The following TRPM3 variants were observed in gnomAD, a reference collection of about 807,000 sequenced individuals.
TRPM3 encodes the protein transient receptor potential cation channel subfamily M member 3.
In TRPM3, 77 loss-of-function variants were observed where a neutral mutation model predicts 181.2. The observed-to-expected ratio is 0.42, with a 90% CI of 0.35 to 0.51. The LOEUF is 0.51. Ranked by LOEUF, TRPM3 falls within the 20% of genes least tolerant of loss-of-function variation. The probability of loss-of-function intolerance (pLI) is 0.01; values close to 1 mark genes in which losing one functional copy is unlikely to be tolerated. For synonymous variants in TRPM3, 745 were observed against 796.4 expected, an observed-to-expected ratio of 0.94 and a Z score of 1.09; for missense variants, 1,759 against 2,196.7, an observed-to-expected ratio of 0.80 and a Z score of 3.98.
At chr9:70,688,180 G>T (rs1172796487) in intron 8 of TRPM3, among the ~76,000 whole-genome samples, 2 of 152,054 alleles carry the variant, frequency 1.3e-5, no homozygotes, top group African/African-American at 2.4e-5. Flanking sequence ...TTCCATGCCT[G>T]ATTATATCAC....
chr9:71,062,465 T>C (rs2061436901), intron 1 of TRPM3, among the ~76,000 whole-genome samples: 1 of 152,118 alleles, frequency 6.6e-6, no homozygotes, highest in African/African-American at 2.4e-5. Flanking sequence ...AAACACAGCA[T>C]AAAACCATAC....
intron 1 of TRPM3, among the ~76,000 whole-genome samples, chr9:71,250,938 A>C (rs1288478107): frequency 6.6e-6 from 1 of 152,130 alleles, no homozygotes; most frequent in African/African-American, 2.4e-5. Flanking sequence ...TTTTCGGTTT[A>C]AGAGCAGTGG....
At chr9:70,789,165 T>A (rs914591479) in intron 6 of TRPM3, among the ~76,000 whole-genome samples, 1 of 152,256 alleles carries the variant, frequency 6.6e-6, no homozygotes, top group Non-Finnish European at 1.5e-5. Context: ...CAAATTAGAA[T>A]CTGCAGGATA....
At chr9:71,266,654 T>C (rs537610975) in intron 1 of TRPM3, among the ~76,000 whole-genome samples, 1 of 152,280 alleles carries the variant, frequency 6.6e-6, no homozygotes, top group East Asian at 1.9e-4. Context: ...CTGACAAAAT[T>C]GCATGTGTAT....
At chr9:70,737,685 C>G (rs891607977) in intron 8 of TRPM3, among the ~76,000 whole-genome samples, 2 of 146,780 alleles carry the variant, frequency 1.4e-5, no homozygotes, top group African/African-American at 5.1e-5. Context: ...AAAAATATTC[C>G]ATGCAAATGG....
chr9:70,907,955 C>T (rs1461408021), intron 1 of TRPM3, among the ~76,000 whole-genome samples: 4 of 152,170 alleles, frequency 2.6e-5, no homozygotes, highest in Non-Finnish European at 5.9e-5. Context: ...CAATCCACAA[C>T]TGATGGGTAC....
intron 1 of TRPM3, among the ~76,000 whole-genome samples, chr9:71,331,523 T>C (rs966731836): frequency 2.0e-5 from 3 of 151,738 alleles, no homozygotes; most frequent in African/African-American, 7.3e-5. Flanking sequence ...TTCTACATTA[T>C]ATTATAATCT....
At chr9:70,808,110 T>C (rs951475258) in intron 6 of TRPM3, among the ~76,000 whole-genome samples, 3 of 152,006 alleles carry the variant, frequency 2.0e-5, no homozygotes, top group Admixed American at 2.0e-4. Flanking sequence ...ATATGAAAGG[T>C]AGTTAGCAAT....
chr9:70,668,691 A>AAAAAAAAAAAAAAC (rs2062306817), intron 9 of TRPM3, among the ~76,000 whole-genome samples: 1 of 151,024 alleles, frequency 6.6e-6, no homozygotes, highest in African/African-American at 2.4e-5. Flanking sequence ...AAAAAAAAAA[A>AAAAAAAAAAAAAAC]AAAAAAGAAA....
intron 1 of TRPM3, among the ~76,000 whole-genome samples, chr9:71,223,567 C>G (rs921440984): frequency 6.6e-6 from 1 of 152,172 alleles, no homozygotes; most frequent in East Asian, 1.9e-4. Flanking sequence ...GGTAATAGCT[C>G]AGTCACAGTG....
chr9:70,982,673 A>G (rs1450336659), intron 1 of TRPM3, among the ~76,000 whole-genome samples: 2 of 152,100 alleles, frequency 1.3e-5, no homozygotes, highest in African/African-American at 2.4e-5. Context: ...CCTCTCTTCA[A>G]AGACAAACTT....
chr9:71,250,898 G>A (rs1338403632), intron 1 of TRPM3, among the ~76,000 whole-genome samples: 1 of 152,160 alleles, frequency 6.6e-6, no homozygotes, highest in African/African-American at 2.4e-5. Flanking sequence ...ATTGCAGAAT[G>A]TTGTAGGTAA....
At chr9:70,992,918 T>C (rs76059369) in intron 1 of TRPM3, among the ~76,000 whole-genome samples, 3,032 of 152,260 alleles carry the variant, frequency 0.02, 64 homozygotes, top group East Asian at 0.078. Context: ...GACATTTGGG[T>C]TGACACTTGA....
At chr9:71,241,459 A>T (rs1417671502) in intron 1 of TRPM3, among the ~76,000 whole-genome samples, 1 of 140,460 alleles carries the variant, frequency 7.1e-6, no homozygotes, top group African/African-American at 2.6e-5. Context: ...GAACACATGG[A>T]CACCGGAAGG....
At chr9:70,576,483 C>T (rs1055486243) in intron 22 of TRPM3, among the ~76,000 whole-genome samples, 14 of 138,776 alleles carry the variant, frequency 1.0e-4, no homozygotes, top group Middle Eastern at 3.5e-3. Flanking sequence ...TTCTTCTTCT[C>T]CTCCTCCTCC....
At chr9:71,122,287 GTA>G (rs1370320785), upstream of TRPM3, among the ~76,000 whole-genome samples, 1 of 152,224 alleles carries the variant, frequency 6.6e-6, no homozygotes, top group Non-Finnish European at 1.5e-5. Flanking sequence ...GAGTTGGAAT[GTA>G]TAGTCTTTAG....
intron 20 of TRPM3, among the ~76,000 whole-genome samples, chr9:70,601,325 T>C (rs1400275828): frequency 1.3e-5 from 2 of 152,078 alleles, no homozygotes; most frequent in Non-Finnish European, 2.9e-5. Context: ...GGCAGAAGTA[T>C]GTGGGGCTGG....
rs1235871736 is a variant in TRPM3, at chr9:70,985,304, G to A, written c.178-120793C>T. Among the ~76,000 whole-genome samples the A allele has an allele frequency of 2.6e-5, 4 of 152,144 alleles. No individual in the cohort carries two copies. The East Asian group carries it at 7.7e-4, about 29-fold the overall frequency. ...CTTAAAGAGAGATGGATGAAGGTAAGACTTTTCCCTCCCTCCCTTCTTGTT... is the reference window on the plus strand; with the variant it reads ...CTTAAAGAGAGATGGATGAAGGTAAAACTTTTCCCTCCCTCCCTTCTTGTT... On this transcript the variant is annotated intron_variant, in intron 1 of 25. Coordinates refer to ENST00000677713, the MANE Select transcript of TRPM3 (RefSeq NM_001366145.2).
chr9:71,202,631 C>T (rs1028218898), intron 1 of TRPM3, among the ~76,000 whole-genome samples: 12 of 152,160 alleles, frequency 7.9e-5, no homozygotes, highest in Admixed American at 6.5e-4. Flanking sequence ...CCCAGGTACT[C>T]GGACAGTGCA....
Sources: allele counts gnomAD v4.1 joint callset (sites outside exome capture counted in the v4.1 genomes callset), GRCh38; gene constraint gnomAD v4.1.1; transcripts MANE v1.5; gene names NCBI Gene and HGNC (gene_info 2026-07-23, HGNC 2026-07-21).